Variants in EXD2 observed in about 807,000 individuals in gnomAD.
EXD2 encodes the protein exonuclease 3'-5' domain-containing protein 2.
EXD2 carries 40 observed loss-of-function variants against 62.5 expected under a neutral mutation model. The ratio of observed to expected loss-of-function variants is 0.64; its 90% CI spans 0.50 to 0.83. EXD2 has a LOEUF of 0.83. EXD2 is among the 40% of genes least tolerant of loss of function. EXD2 has a pLI of 0.00. For missense variants in EXD2, 671 were observed against 761.8 expected, an observed-to-expected ratio of 0.88 and a Z score of 1.40; for synonymous variants, 239 against 291.9, an observed-to-expected ratio of 0.82 and a Z score of 1.85.
At chr14:69,218,196 G>C (rs1031105996) in intron 3 of EXD2, among the ~76,000 whole-genome samples, 1 of 152,140 alleles carries the variant, frequency 6.6e-6, no homozygotes, top group African/African-American at 2.4e-5. Context: ...TCCAGCACCT[G>C]TTGTTTCCTG....
chr14:69,241,864 T>A lies in EXD2; in HGVS notation c.*764T>A. 2 of 399,062 alleles carry A rather than the reference T, an allele frequency of 5.0e-6. No individual in the cohort carries two copies. Among genetic ancestry groups the A allele is most frequent in the Non-Finnish European group, 8.8e-6 (2 of 226,070 alleles). The allele number at this position is 399,062 out of a possible 1,614,324, so 24.7% of individuals were successfully genotyped here. ...CACTCAGCTTTTCCTTTCATGCTGT[T>A]TGTTGCCTGCTTGTTGCACTCCTCC... On this transcript the variant is annotated 3_prime_UTR_variant, in exon 10 of 10. Transcript: ENST00000685843.
At chr14:69,219,069 A>G (rs1023878610) in intron 3 of EXD2, among the ~76,000 whole-genome samples, 12 of 152,174 alleles carry the variant, frequency 7.9e-5, no homozygotes, top group Admixed American at 2.6e-4. Flanking sequence ...CTTGATAAGG[A>G]TGGCATTGAA....
At chr14:69,202,628 G>A (rs1316860634) in intron 1 of EXD2, among the ~76,000 whole-genome samples, 4 of 151,828 alleles carry the variant, frequency 2.6e-5, no homozygotes, top group Non-Finnish European at 5.9e-5. Context: ...GAATCCCTTG[G>A]CTGGAAAAGA....
chr14:69,225,484 C>T lies in EXD2; in HGVS notation c.334-3332C>T, dbSNP rs115591589. ...ATCTGTAATGATTGTTGTTATTGTTCAGTTAAACTTTGTACTTTTGTGTAT... is the reference window on the plus strand; with the variant it reads ...ATCTGTAATGATTGTTGTTATTGTTTAGTTAAACTTTGTACTTTTGTGTAT... On this transcript the variant is annotated intron_variant, in intron 3 of 9. Transcript: ENST00000685843. 6.7e-3 allele frequency among the ~76,000 whole-genome samples: 1,019 copies of T among 152,210 alleles called. 10 individuals carry two copies. The highest frequency in any genetic ancestry group is 0.024 in the African/African-American group (978 of 41,520).
intron 7 of EXD2, 115 bp from the exon 8 acceptor site, chr14:69,236,292 C>G: frequency 6.3e-7 from 1 of 1,575,762 alleles, no homozygotes. Flanking sequence ...AGGCACAACC[C>G]AGAAATCATG....
intron 3 of EXD2, among the ~76,000 whole-genome samples, chr14:69,216,732 T>G (rs542552495): frequency 3.9e-5 from 6 of 152,364 alleles, no homozygotes; most frequent in Admixed American, 1.3e-4. Context: ...AAAATTGACA[T>G]GAAATTATAT....
chr14:69,225,992 T>C (rs918957927), intron 3 of EXD2, among the ~76,000 whole-genome samples: 4 of 152,224 alleles, frequency 2.6e-5, no homozygotes, highest in Non-Finnish European at 5.9e-5. Flanking sequence ...GTTATTTATT[T>C]AATGTATTTT....
At chr14:69,201,682 T>TG in intron 1 of EXD2, among the ~76,000 whole-genome samples, 1 of 134,122 alleles carries the variant, frequency 7.5e-6, no homozygotes, top group African/African-American at 2.9e-5. Context: ...GTTTTTTTTT[T>TG]TTTTTTTTTT....
chr14:69,231,616 A>G (rs1041132364), intron 5 of EXD2, among the ~76,000 whole-genome samples: 28 of 152,088 alleles, frequency 1.8e-4, no homozygotes, highest in South Asian at 2.1e-4. Flanking sequence ...TATCAGAACT[A>G]TGGATCTCCT....
intron 2 of EXD2, among the ~76,000 whole-genome samples, chr14:69,205,979 C>T (rs972693419): frequency 5.3e-5 from 8 of 151,752 alleles, no homozygotes; most frequent in Non-Finnish European, 1.2e-4. Context: ...AGTGCAGTGG[C>T]GTGATCTTGG....
intron 5 of EXD2, among the ~76,000 whole-genome samples, chr14:69,231,510 A>G (rs113790296): frequency 0.011 from 1,630 of 152,300 alleles, 34 homozygotes; most frequent in African/African-American, 0.037. Context: ...GCTGAGTCAC[A>G]TAGTAAACTG....
intron 3 of EXD2, 114 bp downstream of exon 3, chr14:69,209,917 T>C: frequency 1.1e-6 from 1 of 880,388 alleles, no homozygotes; most frequent in Non-Finnish European, 1.6e-6. Flanking sequence ...AATTAGCTTG[T>C]TCTCAACTTG....
intron 5 of EXD2, 73 bp downstream of exon 5, chr14:69,230,671 T>A (rs2043543806): frequency 6.6e-7 from 1 of 1,505,850 alleles, no homozygotes; most frequent in East Asian, 2.3e-5. Context: ...AAAATTCGAA[T>A]TCTCAAATAT....
In EXD2 at chr14:69,214,178, G is replaced by A. The variant is rs1304803624; in HGVS notation, c.333+4375G>A. On this transcript the variant is annotated intron_variant, in intron 3 of 9. Transcript: ENST00000685843. ...CAGTCTATACCTTGATTCTTTGTAAGTAATGTAATTTTTTCATATCTCTTC... is the reference window on the plus strand; with the variant it reads ...CAGTCTATACCTTGATTCTTTGTAAATAATGTAATTTTTTCATATCTCTTC... The A allele has an allele frequency of 2.0e-5, 3 of 152,120 alleles. No individual in the cohort carries two copies. In the East Asian group the frequency reaches 5.8e-4, roughly 29 times the overall value. 9.4% of individuals were successfully genotyped at this position (152,120 alleles called of 1,614,324 possible).
intron 6 of EXD2, 56 bp downstream of exon 6, chr14:69,235,087 G>T (rs1201445735): frequency 1.0e-5 from 15 of 1,460,808 alleles, no homozygotes; most frequent in Non-Finnish European, 6.4e-6. Context: ...TTAGCAAAGG[G>T]TTTGATGCTT....
intron 1 of EXD2, among the ~76,000 whole-genome samples, chr14:69,196,883 G>C (rs550214592): frequency 5.9e-4 from 89 of 152,072 alleles, no homozygotes; most frequent in African/African-American, 2.1e-3. Flanking sequence ...TTGGATCAGA[G>C]TGCTGGAATT....
intron 3 of EXD2, among the ~76,000 whole-genome samples, chr14:69,220,090 A>G (rs981156438): frequency 2.6e-5 from 4 of 151,510 alleles, no homozygotes; most frequent in African/African-American, 9.7e-5. Context: ...AGATAATTAT[A>G]TATCTTCTCT....
chr14:69,214,796 T>G (rs1383348827), intron 3 of EXD2, among the ~76,000 whole-genome samples: 1 of 152,224 alleles, frequency 6.6e-6, no homozygotes, highest in South Asian at 2.1e-4. Context: ...TAATTTTACC[T>G]GTTTTTTAAA....
chr14:69,204,492 C>T (rs749493915), intron 2 of EXD2, among the ~76,000 whole-genome samples: 6 of 151,820 alleles, frequency 4.0e-5, no homozygotes, highest in Non-Finnish European at 7.4e-5. Context: ...CCCAGGAGGT[C>T]GAGGCTGCAG....
Sources: allele counts gnomAD v4.1 joint callset (sites outside exome capture counted in the v4.1 genomes callset), GRCh38; gene constraint gnomAD v4.1.1; transcripts MANE v1.5; gene names NCBI Gene and HGNC (gene_info 2026-07-23, HGNC 2026-07-21).